Variants in VAT1L observed in about 807,000 individuals in gnomAD.
VAT1L encodes vesicle amine transport 1 like.
A neutral mutation model predicts 44.1 loss-of-function variants in VAT1L; 34 were observed. That is an observed-to-expected ratio of 0.77 (90% CI 0.59 to 1.03). The LOEUF (loss-of-function observed/expected upper bound fraction) is 1.03, where lower values mean the gene tolerates loss of function less well. VAT1L is among the 50% of genes least tolerant of loss of function. The pLI, the probability that VAT1L is intolerant of heterozygous loss-of-function variation, is 0.00. For synonymous variants in VAT1L, 253 were observed against 202.2 expected, an observed-to-expected ratio of 1.25 and a Z score of -2.13; for missense variants, 615 against 538.8, an observed-to-expected ratio of 1.14 and a Z score of -1.40.
At chr16:77,844,091 A>T (rs993465554) in intron 3 of VAT1L, among the ~76,000 whole-genome samples, 2 of 152,108 alleles carry the variant, frequency 1.3e-5, no homozygotes, top group Non-Finnish European at 2.9e-5. Flanking sequence ...GCAAATATAT[A>T]CACACACACA....
chr16:77,932,204 G>C (rs2017739623), intron 7 of VAT1L, among the ~76,000 whole-genome samples: 1 of 149,402 alleles, frequency 6.7e-6, no homozygotes, highest in South Asian at 2.1e-4. Flanking sequence ...CCTGGGTTCA[G>C]GCCATTCTCC....
intron 7 of VAT1L, among the ~76,000 whole-genome samples, chr16:77,964,060 T>C (rs2018193692): frequency 1.3e-5 from 2 of 152,034 alleles, no homozygotes; most frequent in African/African-American, 4.8e-5. Context: ...TGTATTTTTC[T>C]CCACCACTCT....
chr16:77,946,923 A>T (rs1204942007), intron 7 of VAT1L, among the ~76,000 whole-genome samples: 1 of 152,202 alleles, frequency 6.6e-6, no homozygotes, highest in Non-Finnish European at 1.5e-5. Context: ...TCTGAGCAGG[A>T]ATGGAAAGTT....
At chr16:77,938,320 C>T (rs573484032) in intron 7 of VAT1L, among the ~76,000 whole-genome samples, 12 of 152,324 alleles carry the variant, frequency 7.9e-5, no homozygotes, top group Admixed American at 7.2e-4. Context: ...GTGTTGTATG[C>T]ACTTGGGATA....
intron 7 of VAT1L, among the ~76,000 whole-genome samples, chr16:77,952,068 C>G (rs1184961778): frequency 1.3e-5 from 2 of 152,150 alleles, no homozygotes; most frequent in Non-Finnish European, 2.9e-5. Context: ...AAGTTAGGCT[C>G]TTATCCTTCC....
At chr16:77,863,199 G>A (rs2016934640) in intron 4 of VAT1L, among the ~76,000 whole-genome samples, 1 of 152,174 alleles carries the variant, frequency 6.6e-6, no homozygotes, top group South Asian at 2.1e-4. Context: ...GCTTAAGGTG[G>A]ATATTTGGTG....
chr16:77,844,834 C>G (rs985642459), intron 3 of VAT1L, among the ~76,000 whole-genome samples: 1 of 150,204 alleles, frequency 6.7e-6, no homozygotes. Context: ...CATATACACA[C>G]ACGATAAATA....
chr16:77,822,588 A>G (rs4407068), intron 2 of VAT1L, among the ~76,000 whole-genome samples: 144,163 of 152,098 alleles, frequency 0.95, 68,384 homozygotes, highest in East Asian at 1. Context: ...ATACAGATAA[A>G]TCTAGGCAAG....
intron 7 of VAT1L, among the ~76,000 whole-genome samples, chr16:77,948,651 C>G (rs980271417): frequency 6.6e-6 from 1 of 152,116 alleles, no homozygotes; most frequent in African/African-American, 2.4e-5. Flanking sequence ...TTTTTTCCTT[C>G]ATTGCCTTCC....
intron 1 of VAT1L, among the ~76,000 whole-genome samples, chr16:77,814,917 A>G (rs189025854): frequency 9.2e-5 from 14 of 152,328 alleles, no homozygotes; most frequent in Admixed American, 9.1e-4. Flanking sequence ...TTCAAGGCTA[A>G]CATGTATTGA....
intron 7 of VAT1L, among the ~76,000 whole-genome samples, chr16:77,948,826 A>G (rs558943055): frequency 5.2e-4 from 79 of 152,342 alleles, no homozygotes; most frequent in Middle Eastern, 3.4e-3. Context: ...CATCTTCTAC[A>G]TATGTAACAT....
At chr16:77,874,574 TA>T (rs2017067661) in intron 4 of VAT1L, among the ~76,000 whole-genome samples, 1 of 152,014 alleles carries the variant, frequency 6.6e-6, no homozygotes, top group African/African-American at 2.4e-5. Flanking sequence ...CCTAGGACAC[TA>T]TTCCCTTCAC....
intron 3 of VAT1L, among the ~76,000 whole-genome samples, chr16:77,859,033 G>A (rs1006080686): frequency 2.0e-5 from 3 of 152,018 alleles, no homozygotes; most frequent in East Asian, 3.9e-4. Context: ...TACCCTGGAG[G>A]CTGAGGCAGG....
intron 4 of VAT1L, among the ~76,000 whole-genome samples, chr16:77,865,378 C>G (rs2016962593): frequency 1.3e-5 from 2 of 152,114 alleles, no homozygotes; most frequent in Non-Finnish European, 1.5e-5. Context: ...TTTTTGCAAG[C>G]ATTCTTTCAT....
chr16:77,951,177 A>C (rs895157263), intron 7 of VAT1L, among the ~76,000 whole-genome samples: 7 of 152,372 alleles, frequency 4.6e-5, no homozygotes, highest in East Asian at 1.9e-4. Context: ...CAACTCCACA[A>C]AGCTCAACAA....
chr16:77,945,278 C>CTTTTTTTTTTTTTTTT lies in VAT1L; in HGVS notation c.1078-26571_1078-26556dup, dbSNP rs56055464. 2.0e-3 allele frequency among the ~76,000 whole-genome samples: 166 copies of CTTTTTTTTTTTTTTTT among 83,046 alleles called. 26 individuals are homozygous for CTTTTTTTTTTTTTTTT. Among genetic ancestry groups the CTTTTTTTTTTTTTTTT allele is most frequent in the Non-Finnish European group, 3.0e-3 (136 of 45,734 alleles). The allele number at this position is 83,046 out of a possible 152,430, so 54.5% of individuals were successfully genotyped here. On this transcript the variant is annotated intron_variant, in intron 7 of 8. Transcript: ENST00000302536. The stretch of plus-strand genomic sequence containing the variant: ...GAATGGCCAATTCCAGATTGCAGAA[C>CTTTTTTTTTTTTTTTT]TTTTTTTTTTTTTTTTGAGAGAGAG...
intron 4 of VAT1L, among the ~76,000 whole-genome samples, chr16:77,873,818 G>C (rs905197623): frequency 6.6e-6 from 1 of 152,246 alleles, no homozygotes; most frequent in East Asian, 1.9e-4. Flanking sequence ...CAGGGGATAG[G>C]CTGTCCAGGC....
At chr16:77,913,350 TTG>T (rs2017518371) in intron 7 of VAT1L, among the ~76,000 whole-genome samples, 1 of 152,144 alleles carries the variant, frequency 6.6e-6, no homozygotes, top group Admixed American at 6.5e-5. Context: ...TCTATGCTTT[TTG>T]TCTCTAATTC....
At chr16:77,952,646 C>T (rs2018057092) in intron 7 of VAT1L, among the ~76,000 whole-genome samples, 1 of 152,030 alleles carries the variant, frequency 6.6e-6, no homozygotes, top group Non-Finnish European at 1.5e-5. Context: ...ATCCCGAGGT[C>T]AGGAGTTTGA....
Sources: allele counts gnomAD v4.1 joint callset (sites outside exome capture counted in the v4.1 genomes callset), GRCh38; gene constraint gnomAD v4.1.1; transcripts MANE v1.5; gene names NCBI Gene and HGNC (gene_info 2026-07-23, HGNC 2026-07-21).